The following CMIP variants were observed in gnomAD, a reference collection of about 807,000 sequenced individuals.
CMIP encodes the protein C-Maf-inducing protein.
A neutral mutation model predicts 97.3 loss-of-function variants in CMIP; 13 were observed. That is an observed-to-expected ratio of 0.13 (90% confidence interval 0.09 to 0.21). The LOEUF (loss-of-function observed/expected upper bound fraction) is 0.21. Ranked by LOEUF, CMIP falls within the 10% of genes least tolerant of loss-of-function variation. The probability of loss-of-function intolerance (pLI) is 1.00; values close to 1 mark genes in which losing one functional copy is unlikely to be tolerated. For synonymous variants in CMIP, 538 were observed against 436.3 expected, an observed-to-expected ratio of 1.23 and a Z score of -2.91; for missense variants, 847 against 1,024.9, an observed-to-expected ratio of 0.83 and a Z score of 2.37.
At chr16:81,591,179 T>G (rs2091461355) in intron 1 of CMIP, among the ~76,000 whole-genome samples, 1 of 152,246 alleles carries the variant, frequency 6.6e-6, no homozygotes. Context: ...TCTGTGGGCC[T>G]CAGTTTTCTC....
At chr16:81,487,721 C>T (rs1489651855) in intron 1 of CMIP, among the ~76,000 whole-genome samples, 1 of 152,212 alleles carries the variant, frequency 6.6e-6, no homozygotes, top group Non-Finnish European at 1.5e-5. Flanking sequence ...ACCACTCTCA[C>T]AGGGTCTGTG....
intron 20 of CMIP, among the ~76,000 whole-genome samples, chr16:81,707,436 A>G (rs1338129191): frequency 6.6e-6 from 1 of 152,224 alleles, no homozygotes; most frequent in Non-Finnish European, 1.5e-5. Flanking sequence ...TTTGCAGCAA[A>G]TGTAACCAGG....
At chr16:81,607,769 G>T (rs1567607565) in intron 2 of CMIP, 77 bp downstream of exon 2, 2 of 1,472,756 alleles carry the variant, frequency 1.4e-6, no homozygotes, top group Non-Finnish European at 9.3e-7. Context: ...TCCCTTGGAG[G>T]GAGCCAGCAG....
chr16:81,540,844 C>G (rs974867179), intron 1 of CMIP, among the ~76,000 whole-genome samples: 3 of 152,038 alleles, frequency 2.0e-5, no homozygotes, highest in African/African-American at 7.2e-5. Context: ...CCACGCCTGG[C>G]TAATTTTTTG....
intron 1 of CMIP, among the ~76,000 whole-genome samples, chr16:81,589,962 C>G (rs2091442207): frequency 6.6e-6 from 1 of 152,176 alleles, no homozygotes; most frequent in Non-Finnish European, 1.5e-5. Context: ...CATTCTGAGT[C>G]CTGTGGGGGA....
intron 1 of CMIP, among the ~76,000 whole-genome samples, chr16:81,527,871 A>G (rs1312774714): frequency 6.6e-6 from 1 of 152,210 alleles, no homozygotes; most frequent in African/African-American, 2.4e-5. Flanking sequence ...GCTTTTATGA[A>G]TAATACTGCT....
intron 1 of CMIP, among the ~76,000 whole-genome samples, chr16:81,553,102 G>T (rs926021647): frequency 1.1e-4 from 16 of 152,160 alleles, no homozygotes; most frequent in Non-Finnish European, 2.2e-4. Context: ...AGCCACGTGG[G>T]TCCCAGCACC....
chr16:81,670,620 TG>T (rs10542852), intron 8 of CMIP, among the ~76,000 whole-genome samples: 17,452 of 95,454 alleles, frequency 0.18, 944 homozygotes, highest in East Asian at 0.23. Flanking sequence ...GGGTTTTTTT[TG>T]GGGGGGGGGG....
chr16:81,546,630 G>A (rs1019107887), intron 1 of CMIP, among the ~76,000 whole-genome samples: 13 of 152,136 alleles, frequency 8.5e-5, no homozygotes, highest in African/African-American at 2.2e-4. Flanking sequence ...AGGTAGCTGC[G>A]GCCTCGTGGA....
intron 1 of CMIP, among the ~76,000 whole-genome samples, chr16:81,508,305 C>T (rs966029132): frequency 6.6e-6 from 1 of 152,202 alleles, no homozygotes; most frequent in Non-Finnish European, 1.5e-5. Flanking sequence ...CTGATCATCT[C>T]CTTTGTGGAC....
chr16:81,531,620 G>A (rs1464019048), intron 1 of CMIP, among the ~76,000 whole-genome samples: 1 of 152,202 alleles, frequency 6.6e-6, no homozygotes, highest in African/African-American at 2.4e-5. Flanking sequence ...GAGGAGGCTC[G>A]GGCCACACCT....
At chr16:81,557,911 T>C (rs2090798215) in intron 1 of CMIP, among the ~76,000 whole-genome samples, 1 of 152,186 alleles carries the variant, frequency 6.6e-6, no homozygotes, top group African/African-American at 2.4e-5. Flanking sequence ...TTTCATCTTA[T>C]CAGACAGAGA....
chr16:81,658,932 C>T (rs906164665), intron 5 of CMIP, among the ~76,000 whole-genome samples: 2 of 152,204 alleles, frequency 1.3e-5, no homozygotes, highest in African/African-American at 2.4e-5. Context: ...GTACTGTATG[C>T]ACAAAATGAG....
chr16:81,595,106 T>C (rs1353125367), intron 1 of CMIP, among the ~76,000 whole-genome samples: 2 of 151,822 alleles, frequency 1.3e-5, no homozygotes, highest in Non-Finnish European at 2.9e-5. Flanking sequence ...CACTGGTAAC[T>C]GAAACCTCTG....
intron 5 of CMIP, among the ~76,000 whole-genome samples, chr16:81,659,270 C>G (rs1001783262): frequency 2.0e-5 from 3 of 152,124 alleles, no homozygotes; most frequent in African/African-American, 7.2e-5. Flanking sequence ...TTGAGGCCTG[C>G]CATTGAGGAC....
chr16:81,689,500 G>C (rs891599496), intron 10 of CMIP, among the ~76,000 whole-genome samples: 7 of 152,086 alleles, frequency 4.6e-5, no homozygotes, highest in Non-Finnish European at 7.3e-5. Context: ...CTTTTTGATG[G>C]GGTTGATTTT....
intron 1 of CMIP, among the ~76,000 whole-genome samples, chr16:81,497,995 C>T (rs1246595851): frequency 1.3e-5 from 2 of 152,236 alleles, no homozygotes; most frequent in African/African-American, 4.8e-5. Flanking sequence ...CACTAAGTTT[C>T]GGTTTCCTTT....
chr16:81,571,576 C>T (rs189161845), intron 1 of CMIP, among the ~76,000 whole-genome samples: 1 of 118,242 alleles, frequency 8.5e-6, no homozygotes, highest in Non-Finnish European at 1.6e-5. Flanking sequence ...ATAGTGAGAT[C>T]TCATCTCTAC....
intron 3 of CMIP, chr16:81,651,316 G>A (rs2092426300): frequency 2.1e-6 from 1 of 473,974 alleles, no homozygotes; most frequent in Admixed American, 6.4e-5. Context: ...GCCTTCCGAG[G>A]GCCTCCGTTT....
Sources: gnomAD v4.1 joint callset for allele counts (sites outside exome capture counted in the v4.1 genomes callset) on GRCh38, gnomAD v4.1.1 for gene constraint, MANE v1.5 for transcripts, NCBI Gene and HGNC (gene_info 2026-07-23, HGNC 2026-07-21) for gene names.